The following MPP7 variants were observed in gnomAD, a reference collection of about 807,000 sequenced individuals.
MPP7 encodes the protein MAGUK p55 subfamily member 7.
MPP7 carries 60 observed loss-of-function variants against 76.5 expected under a neutral mutation model. The observed-to-expected ratio is 0.78, with a 90% CI of 0.64 to 0.97. The LOEUF (loss-of-function observed/expected upper bound fraction) is 0.97, where lower values mean the gene tolerates loss of function less well. MPP7 is among the 50% of genes least tolerant of loss of function. The probability of loss-of-function intolerance (pLI) is 0.00; values close to 1 mark genes in which losing one functional copy is unlikely to be tolerated. For synonymous variants in MPP7, 237 were observed against 244.5 expected (o/e 0.97, Z 0.29); for missense variants, 641 against 694.0 (o/e 0.92, Z 0.86).
At chr10:28,085,832 G>A (rs1180537791) in intron 12 of MPP7, among the ~76,000 whole-genome samples, 1 of 152,162 alleles carries the variant, frequency 6.6e-6, no homozygotes, top group Non-Finnish European at 1.5e-5. Context: ...GAAAAAAAAG[G>A]CTTTAGGATT....
At chr10:28,089,554 A>G (rs1242652211) in intron 12 of MPP7, 117 bp downstream of exon 12, 1 of 845,714 alleles carries the variant, frequency 1.2e-6, no homozygotes, top group Non-Finnish European at 1.8e-6. Flanking sequence ...ACAAGACAAA[A>G]GGTGTTGAAG....
intron 3 of MPP7, among the ~76,000 whole-genome samples, chr10:28,199,469 A>T (rs1007472899): frequency 6.6e-6 from 1 of 152,176 alleles, no homozygotes; most frequent in African/African-American, 2.4e-5. Context: ...GCCTACATAT[A>T]CTTGCACTGT....
chr10:28,250,441 C>A (rs568039317), intron 1 of MPP7, among the ~76,000 whole-genome samples: 3 of 152,202 alleles, frequency 2.0e-5, no homozygotes, highest in South Asian at 2.1e-4. Context: ...CCTCTTATAT[C>A]CCAGAATTAT....
chr10:28,322,907 A>T (rs555933839), intron 2 of MPP7, among the ~76,000 whole-genome samples: 67 of 152,120 alleles, frequency 4.4e-4, no homozygotes, highest in Admixed American at 1.0e-3. Flanking sequence ...TAGTTCTAAC[A>T]CTCTGGGAGG....
intron 2 of MPP7, among the ~76,000 whole-genome samples, chr10:28,329,095 C>T (rs893578091): frequency 6.6e-6 from 1 of 152,178 alleles, no homozygotes; most frequent in African/African-American, 2.4e-5. Flanking sequence ...AGTCTCCTTG[C>T]CCACCTCCTT....
intron 3 of MPP7, among the ~76,000 whole-genome samples, chr10:28,182,618 A>G (rs1837094213): frequency 6.6e-6 from 1 of 152,174 alleles, no homozygotes; most frequent in Non-Finnish European, 1.5e-5. Context: ...CAGACATATG[A>G]CTCTTGTACT....
At chr10:28,181,483 A>G (rs1837055228) in intron 3 of MPP7, among the ~76,000 whole-genome samples, 1 of 152,240 alleles carries the variant, frequency 6.6e-6, no homozygotes, top group South Asian at 2.1e-4. Context: ...ACATTCATCA[A>G]TTATTTGTGA....
intron 3 of MPP7, among the ~76,000 whole-genome samples, chr10:28,167,319 AAACAAAC>A (rs1258177693): frequency 1.2e-4 from 2 of 17,060 alleles, no homozygotes; most frequent in Non-Finnish European, 4.7e-4. Flanking sequence ...TCAAAAAAAC[AAACAAAC>A]AAACAAACAA....
intron 12 of MPP7, among the ~76,000 whole-genome samples, chr10:28,083,985 C>T (rs1008062095): frequency 6.6e-6 from 1 of 152,146 alleles, no homozygotes; most frequent in South Asian, 2.1e-4. Context: ...GAAATACTGC[C>T]TTATACCAGC....
intron 2 of MPP7, among the ~76,000 whole-genome samples, chr10:28,318,767 G>A (rs786396): frequency 0.16 from 24,152 of 152,162 alleles, 2,135 homozygotes; most frequent in Non-Finnish European, 0.2. Context: ...TCTAGTTGTC[G>A]GATGATGGAA....
chr10:28,107,524 C>T (rs1410481015), intron 11 of MPP7, among the ~76,000 whole-genome samples: 1 of 152,120 alleles, frequency 6.6e-6, no homozygotes, highest in Non-Finnish European at 1.5e-5. Flanking sequence ...AGGGGGTCTC[C>T]TTCCACAGTA....
chr10:28,329,704 T>G (rs1267680883), intron 2 of MPP7, among the ~76,000 whole-genome samples: 1 of 151,980 alleles, frequency 6.6e-6, no homozygotes, highest in Non-Finnish European at 1.5e-5. Flanking sequence ...GAAACTTTCC[T>G]TAATGAATAA....
chr10:28,268,885 C>T (rs961936303), intron 1 of MPP7, among the ~76,000 whole-genome samples: 9 of 152,074 alleles, frequency 5.9e-5, no homozygotes, highest in Admixed American at 3.9e-4. Context: ...CGCCACTGCA[C>T]TCCAGCCTGG....
At chr10:28,132,488 C>T (rs868666020) in intron 5 of MPP7, among the ~76,000 whole-genome samples, 7 of 152,098 alleles carry the variant, frequency 4.6e-5, no homozygotes, top group African/African-American at 1.4e-4. Context: ...TGGAGTTCAG[C>T]GGTGGGATCA....
At chr10:28,095,451 G>A (rs1004602736) in intron 11 of MPP7, among the ~76,000 whole-genome samples, 3 of 152,026 alleles carry the variant, frequency 2.0e-5, no homozygotes, top group African/African-American at 7.3e-5. Flanking sequence ...AGAGGTGATA[G>A]CACACTTCAC....
intron 2 of MPP7, among the ~76,000 whole-genome samples, chr10:28,212,014 G>A (rs1009405585): frequency 2.0e-5 from 3 of 152,120 alleles, no homozygotes; most frequent in African/African-American, 7.2e-5. Flanking sequence ...ATGGGAGGCT[G>A]AGGCAGGAGG....
At chr10:28,232,333 G>T (rs1399639567) in intron 2 of MPP7, among the ~76,000 whole-genome samples, 2 of 149,610 alleles carry the variant, frequency 1.3e-5, no homozygotes, top group Non-Finnish European at 3.0e-5. Flanking sequence ...CATCCTGGGT[G>T]ACAGAGTGAG....
At chr10:28,069,619 C>A (rs2763318) in intron 13 of MPP7, among the ~76,000 whole-genome samples, 153 bp downstream of exon 13, 78,415 of 131,296 alleles carry the variant, frequency 0.6, 22,897 homozygotes, top group Non-Finnish European at 0.68. Flanking sequence ...ACAAAACAAA[C>A]AAAAAAAAAA....
intron 12 of MPP7, among the ~76,000 whole-genome samples, chr10:28,078,592 TGTAA>T (rs1332498678): frequency 1.3e-5 from 2 of 152,134 alleles, no homozygotes; most frequent in African/African-American, 2.4e-5. Context: ...AAACCAGAAA[TGTAA>T]GTAAGTATTT....
Sources: allele counts gnomAD v4.1 joint callset (sites outside exome capture counted in the v4.1 genomes callset), GRCh38; gene constraint gnomAD v4.1.1; transcripts MANE v1.5; gene names NCBI Gene and HGNC (gene_info 2026-07-23, HGNC 2026-07-21).